Variants in CDH13 observed in about 807,000 individuals in gnomAD.
CDH13 encodes cadherin-13.
CDH13 carries 24 observed loss-of-function variants against 63.8 expected under a neutral mutation model. That is an observed-to-expected ratio of 0.38 (90% confidence interval 0.27 to 0.53). The LOEUF (loss-of-function observed/expected upper bound fraction) is 0.53, where lower values mean the gene tolerates loss of function less well. CDH13 is among the 20% of genes least tolerant of loss of function. The pLI is 0.85. For missense variants in CDH13, 1,049 were observed against 903.1 expected (o/e 1.16, Z -2.07); for synonymous variants, 503 against 355.3 (o/e 1.42, Z -4.67).
At chr16:82,710,356 A>G (rs1209076668) in intron 1 of CDH13, among the ~76,000 whole-genome samples, 5 of 145,300 alleles carry the variant, frequency 3.4e-5, no homozygotes, top group African/African-American at 5.0e-5. Context: ...ACATGGTGAA[A>G]CCCCATCTCT....
intron 1 of CDH13, among the ~76,000 whole-genome samples, chr16:82,704,633 C>A (rs2031333997): frequency 6.6e-6 from 1 of 152,180 alleles, no homozygotes; most frequent in Non-Finnish European, 1.5e-5. Flanking sequence ...ACCTGGGGTC[C>A]TTTTCCTGGC....
intron 5 of CDH13, among the ~76,000 whole-genome samples, chr16:83,244,839 G>T (rs536334096): frequency 1.7e-4 from 26 of 152,188 alleles, no homozygotes; most frequent in Non-Finnish European, 3.7e-4. Flanking sequence ...AAGCTCATTA[G>T]AGACTTACTG....
intron 10 of CDH13, chr16:83,717,908 C>A (rs987687691): frequency 6.6e-6 from 1 of 152,148 alleles, no homozygotes; most frequent in African/African-American, 2.4e-5. Flanking sequence ...TTGAGAGGCT[C>A]AGGAAAAACA....
intron 12 of CDH13, 57 bp from the exon 13 acceptor site, chr16:83,783,197 C>A: frequency 8.1e-7 from 1 of 1,228,612 alleles, no homozygotes; most frequent in East Asian, 2.4e-5. Flanking sequence ...CAAAACCTCA[C>A]TCTTTTATTG....
intron 6 of CDH13, among the ~76,000 whole-genome samples, chr16:83,464,223 C>A (rs1208808381): frequency 6.6e-6 from 1 of 152,010 alleles, no homozygotes; most frequent in Non-Finnish European, 1.5e-5. Flanking sequence ...CTATGTCCGG[C>A]TAAATTTTGC....
At chr16:82,716,337 C>A (rs945028078) in intron 1 of CDH13, among the ~76,000 whole-genome samples, 3 of 152,042 alleles carry the variant, frequency 2.0e-5, no homozygotes, top group Admixed American at 6.6e-5. Context: ...TTCTCCATGT[C>A]ACCTTTGCAG....
intron 7 of CDH13, among the ~76,000 whole-genome samples, chr16:83,547,199 A>G (rs766218644): frequency 6.6e-6 from 1 of 152,230 alleles, no homozygotes; most frequent in Non-Finnish European, 1.5e-5. Flanking sequence ...GGTAAAAGCT[A>G]AGAAGGAAAG....
intron 8 of CDH13, among the ~76,000 whole-genome samples, chr16:83,646,650 CG>C (rs1200114543): frequency 6.6e-5 from 9 of 135,518 alleles, no homozygotes; most frequent in Middle Eastern, 9.0e-3. Context: ...TGAGATCACG[CG>C]ATTGCACTCC....
chr16:82,675,483 A>T (rs778883715), intron 1 of CDH13, among the ~76,000 whole-genome samples: 1 of 152,184 alleles, frequency 6.6e-6, no homozygotes, highest in Admixed American at 6.5e-5. Flanking sequence ...CCAAGGAATT[A>T]AGGTATTCTC....
chr16:83,395,311 C>G (rs895682131), intron 6 of CDH13, among the ~76,000 whole-genome samples: 3 of 146,158 alleles, frequency 2.1e-5, no homozygotes, highest in Admixed American at 6.7e-5. Context: ...GAGACTCTGT[C>G]TCAAAAAAAA....
intron 1 of CDH13, among the ~76,000 whole-genome samples, chr16:82,821,873 A>T (rs569087845): frequency 6.6e-6 from 1 of 152,196 alleles, no homozygotes; most frequent in African/African-American, 2.4e-5. Flanking sequence ...GAAGGAATGT[A>T]TGGTCCCCTT....
chr16:83,743,689 C>T (rs1039050013), intron 10 of CDH13, among the ~76,000 whole-genome samples: 11 of 150,366 alleles, frequency 7.3e-5, no homozygotes, highest in Admixed American at 4.0e-4. Flanking sequence ...GAACCACTAC[C>T]AATCACTCCT....
rs1019995788 is a variant in CDH13, at chr16:83,653,989, G to A, written c.1102-16801G>A. On this transcript the variant is annotated intron_variant, in intron 8 of 13. Coordinates refer to ENST00000567109, the MANE Select transcript of CDH13 (RefSeq NM_001257.5). ...AACGAGTGGCTAGGAACACACACAT[G>A]GGTGGGGGAATTAACATACTGACAG... Among the ~76,000 whole-genome samples the A allele has an allele frequency of 5.3e-5, 8 of 152,148 alleles. No homozygotes were observed. The South Asian group carries it at 1.0e-3, about 20-fold the overall frequency.
intron 3 of CDH13, among the ~76,000 whole-genome samples, chr16:83,085,546 C>G (rs903685143): frequency 1.3e-5 from 2 of 152,206 alleles, no homozygotes; most frequent in Non-Finnish European, 2.9e-5. Context: ...TTATCAAAAA[C>G]CACTAGAAGT....
intron 2 of CDH13, among the ~76,000 whole-genome samples, chr16:83,006,174 T>C (rs1394834110): frequency 6.6e-6 from 1 of 152,162 alleles, no homozygotes. Context: ...TGGGGGCATT[T>C]TCAAGTCTCA....
Position 83,706,002 on chromosome 16 carries a change from G to A in CDH13, c.1538+27541G>A, listed in dbSNP as rs536195395. 5.9e-5 allele frequency among the ~76,000 whole-genome samples: 9 copies of A among 152,236 alleles called. No homozygotes were observed. The South Asian group carries it at 1.2e-3, about 21-fold the overall frequency. On this transcript the variant is annotated intron_variant, in intron 10 of 13. Transcript: ENST00000567109. ...AAACTTAGTGACTGGAAACAACATC[G>A]TTTTCGTGTCTCTGTGGTTTTAATG...
intron 3 of CDH13, among the ~76,000 whole-genome samples, chr16:83,073,314 T>A (rs1057036124): frequency 4.4e-5 from 6 of 137,574 alleles, no homozygotes; most frequent in Non-Finnish European, 7.7e-5. Context: ...CTCTTTGGGG[T>A]GTGTGTCTGT....
intron 3 of CDH13, among the ~76,000 whole-genome samples, chr16:83,116,988 G>A (rs1486588212): frequency 1.3e-5 from 2 of 152,206 alleles, no homozygotes; most frequent in East Asian, 1.9e-4. Context: ...TAGAGGACGG[G>A]CAAATCATCG....
chr16:83,013,022 G>C (rs77085721), intron 2 of CDH13, among the ~76,000 whole-genome samples: 4,642 of 152,320 alleles, frequency 0.03, 101 homozygotes, highest in Non-Finnish European at 0.045. Context: ...CACTGTGGAT[G>C]AGTTTACTTG....
Sources: allele counts gnomAD v4.1 joint callset (sites outside exome capture counted in the v4.1 genomes callset), GRCh38; gene constraint gnomAD v4.1.1; transcripts MANE v1.5; gene names NCBI Gene and HGNC (gene_info 2026-07-23, HGNC 2026-07-21).